Variants in GLI3 observed in about 807,000 individuals in gnomAD.
GLI3 encodes the protein transcription activator GLI3.
Under a neutral mutation model 100.8 loss-of-function variants are expected in GLI3, and 20 were observed. The ratio of observed to expected loss-of-function variants is 0.20; its 90% CI spans 0.14 to 0.29. The LOEUF (loss-of-function observed/expected upper bound fraction) is 0.29, where lower values mean the gene tolerates loss of function less well. GLI3 is among the 10% of genes least tolerant of loss of function. The pLI, the probability that GLI3 is intolerant of heterozygous loss-of-function variation, is 1.00. For synonymous variants in GLI3, 938 were observed against 860.5 expected (o/e 1.09, Z -1.58); for missense variants, 2,040 against 2,128.5 (o/e 0.96, Z 0.82).
intron 4 of GLI3, among the ~76,000 whole-genome samples, chr7:42,074,294 C>G (rs1276421347): frequency 2.6e-5 from 4 of 152,190 alleles, no homozygotes; most frequent in Non-Finnish European, 4.4e-5. Flanking sequence ...GTGCACAGCA[C>G]AAGTGAGTGG....
chr7:42,224,285 A>T (rs1788544397), intron 1 of GLI3, among the ~76,000 whole-genome samples: 1 of 152,208 alleles, frequency 6.6e-6, no homozygotes, highest in South Asian at 2.1e-4. Flanking sequence ...ATTTTTCTAC[A>T]TTTAGTAAAT....
At chr7:42,218,694 C>A (rs1562790436) in intron 2 of GLI3, among the ~76,000 whole-genome samples, 1 of 152,108 alleles carries the variant, frequency 6.6e-6, no homozygotes, top group Non-Finnish European at 1.5e-5. Context: ...ACTTCCTTTG[C>A]ATCATTAATC....
At chr7:42,083,030 T>G (rs1248501962) in intron 3 of GLI3, among the ~76,000 whole-genome samples, 1 of 152,240 alleles carries the variant, frequency 6.6e-6, no homozygotes, top group African/African-American at 2.4e-5. Context: ...AAGCATTTAT[T>G]ATGCGTGCTA....
intron 2 of GLI3, among the ~76,000 whole-genome samples, chr7:42,203,596 A>T (rs1788088964): frequency 6.6e-6 from 1 of 152,200 alleles, no homozygotes; most frequent in African/African-American, 2.4e-5. Flanking sequence ...GCCACTATGT[A>T]TATAACACAT....
At chr7:42,129,026 A>C (rs554466430) in intron 3 of GLI3, among the ~76,000 whole-genome samples, 3 of 152,240 alleles carry the variant, frequency 2.0e-5, no homozygotes, top group African/African-American at 7.2e-5. Context: ...CTGGGCAAAC[A>C]TATTTCTCAC....
intron 3 of GLI3, among the ~76,000 whole-genome samples, chr7:42,103,167 G>A (rs1327632692): frequency 6.6e-6 from 1 of 152,156 alleles, no homozygotes; most frequent in Admixed American, 6.5e-5. Flanking sequence ...CTCTCCACCA[G>A]CTGAGTGTCC....
chr7:41,998,176 CA>C lies in GLI3; in HGVS notation c.1498-19429del, dbSNP rs1265334951. Among the ~76,000 whole-genome samples the C allele has an allele frequency of 4.6e-5, 7 of 152,214 alleles. No individual in the cohort carries two copies. In the East Asian group the frequency reaches 1.2e-3, roughly 25 times the overall value. On this transcript the variant is annotated intron_variant, in intron 10 of 14. Coordinates refer to ENST00000395925, the MANE Select transcript of GLI3 (RefSeq NM_000168.6). Reference sequence around the variant, plus strand: ...ATGGTCACTAGGGACTTAGAGGAGCCAGGGGCTGACTTCATTTATTTTACAA... The same window carrying C: ...ATGGTCACTAGGGACTTAGAGGAGCCGGGGCTGACTTCATTTATTTTACAA...
At position 41,964,147 on chromosome 7, in the gene GLI3, A is replaced by G. The variant is rs549923872; in HGVS notation, c.*183T>C. Reference sequence around the variant, plus strand: ...CTGAAATGGAAGACAGTTTCTCCCTAGAATACTTTAGGGTTTTTCAGAGTC... The same window carrying G: ...CTGAAATGGAAGACAGTTTCTCCCTGGAATACTTTAGGGTTTTTCAGAGTC... On this transcript the variant is annotated 3_prime_UTR_variant, in exon 15 of 15. Coordinates refer to ENST00000395925, the MANE Select transcript of GLI3 (RefSeq NM_000168.6). 8.7e-6 allele frequency: 5 copies of G among 574,882 alleles called. No individual in the cohort carries two copies. The highest frequency in any genetic ancestry group is 3.8e-5 in the African/African-American group (2 of 53,198). 35.6% of individuals were successfully genotyped at this position (574,882 alleles called of 1,614,324 possible).
In GLI3 at chr7:41,965,619, C is replaced by T. The variant is rs878976775; in HGVS notation, c.3454G>A (p.Glu1152Lys). The change falls in exon 15 of 15, where the codon GAG (glutamate) becomes AAG (lysine). Residue 1152 changes from glutamate (E) to lysine (K), a missense_variant. Transcript: ENST00000395925. Reference sequence around the variant, plus strand: ...ATGGGCAGGTCGGTTTTGCTGCCCTCGGGGCAGGGCTGCTCGAGGGCATGG... The same window carrying T: ...ATGGGCAGGTCGGTTTTGCTGCCCTTGGGGCAGGGCTGCTCGAGGGCATGG... ...QFHALEQPCP[E>K]GSKTDLPIQW... The T allele has an allele frequency of 6.2e-7, 1 of 1,608,608 alleles. No homozygotes were observed. Among genetic ancestry groups the T allele is most frequent in the East Asian group, 2.2e-5 (1 of 44,666 alleles).
intron 9 of GLI3, among the ~76,000 whole-genome samples, chr7:42,024,864 C>T (rs577935260): frequency 3.9e-4 from 59 of 152,258 alleles, no homozygotes; most frequent in African/African-American, 1.3e-3. Flanking sequence ...TCAGTAGATC[C>T]GCCACAGCTC....
chr7:42,244,377 A>T (rs1203194391), intron 1 of GLI3, among the ~76,000 whole-genome samples: 1 of 152,232 alleles, frequency 6.6e-6, no homozygotes, highest in Non-Finnish European at 1.5e-5. Flanking sequence ...ATAAGGATAC[A>T]AGTTTACATG....
At chr7:42,090,632 G>A (rs1198980061) in intron 3 of GLI3, among the ~76,000 whole-genome samples, 1 of 152,154 alleles carries the variant, frequency 6.6e-6, no homozygotes, top group African/African-American at 2.4e-5. Context: ...ATAAGACCCA[G>A]GAAGAGTCCT....
intron 3 of GLI3, among the ~76,000 whole-genome samples, chr7:42,134,676 G>A (rs952994742): frequency 2.0e-5 from 3 of 152,102 alleles, no homozygotes; most frequent in Non-Finnish European, 4.4e-5. Flanking sequence ...ATGACAGCAC[G>A]TGCCAACATC....
chr7:42,231,675 A>G (rs187484222), intron 1 of GLI3, among the ~76,000 whole-genome samples: 4 of 152,364 alleles, frequency 2.6e-5, no homozygotes, highest in Middle Eastern at 3.4e-3. Context: ...CTGCTGGATG[A>G]AATTTCTCTA....
chr7:42,096,580 C>T (rs974835638), intron 3 of GLI3, among the ~76,000 whole-genome samples: 1 of 152,022 alleles, frequency 6.6e-6, no homozygotes, highest in African/African-American at 2.4e-5. Context: ...CTTTGCTGCC[C>T]ACTGGCAAGG....
intron 10 of GLI3, among the ~76,000 whole-genome samples, chr7:41,998,075 T>G (rs1788180174): frequency 1.3e-5 from 2 of 152,184 alleles, no homozygotes; most frequent in Admixed American, 1.3e-4. Flanking sequence ...TTCTTTTTGG[T>G]TCACATGTTG....
At chr7:42,242,848 C>T (rs1788939225), upstream of GLI3, among the ~76,000 whole-genome samples, 1 of 152,170 alleles carries the variant, frequency 6.6e-6, no homozygotes, top group Non-Finnish European at 1.5e-5. Context: ...TTGGTGAATA[C>T]AACCTCCTCT....
At chr7:42,031,864 AT>A (rs1789305716) in intron 7 of GLI3, among the ~76,000 whole-genome samples, 1 of 152,102 alleles carries the variant, frequency 6.6e-6, no homozygotes, top group African/African-American at 2.4e-5. Flanking sequence ...ACTGGGAACC[AT>A]TTTTTCTATT....
At chr7:42,019,135 G>A (rs1181468915) in intron 10 of GLI3, among the ~76,000 whole-genome samples, 1 of 152,176 alleles carries the variant, frequency 6.6e-6, no homozygotes, top group Non-Finnish European at 1.5e-5. Flanking sequence ...TGGACATGAA[G>A]TATGGTGATG....
Sources: gnomAD v4.1 joint callset for allele counts (sites outside exome capture counted in the v4.1 genomes callset) on GRCh38, gnomAD v4.1.1 for gene constraint, MANE v1.5 for transcripts, NCBI Gene and HGNC (gene_info 2026-07-23, HGNC 2026-07-21) for gene names.